FAM185A: variants seen among roughly 807,000 people sequenced by gnomAD.
FAM185A encodes protein FAM185A.
In FAM185A, 21 loss-of-function variants were observed where a neutral mutation model predicts 45.7. The observed-to-expected ratio is 0.46, with a 90% CI of 0.33 to 0.66. FAM185A has a LOEUF of 0.66. Ranked by LOEUF, FAM185A falls within the 30% of genes least tolerant of loss-of-function variation. FAM185A has a pLI of 0.03. For missense variants in FAM185A, 305 were observed against 485.4 expected (o/e 0.63, Z 3.49); for synonymous variants, 117 against 194.0 (o/e 0.60, Z 3.30).
intron 3 of FAM185A, among the ~76,000 whole-genome samples, chr7:102,758,426 G>GATT (rs1562845336): frequency 2.1e-5 from 2 of 95,894 alleles, no homozygotes; most frequent in Admixed American, 1.3e-4. Context: ...TGCTCTCACA[G>GATT]CTTTTTTTTT....
At chr7:102,789,694 G>A (rs1297205259) in intron 7 of FAM185A, among the ~76,000 whole-genome samples, 8 of 152,274 alleles carry the variant, frequency 5.3e-5, no homozygotes, top group African/African-American at 1.7e-4. Context: ...GAGCAAGAGC[G>A]AGACTCCCTC....
chr7:102,841,914 G>T, the FAM185A span, among the ~76,000 whole-genome samples: 3 of 152,104 alleles, frequency 2.0e-5, no homozygotes, highest in South Asian at 4.1e-4. Context: ...TTTGTAGGGG[G>T]TTGCTTTCTC....
At chr7:102,795,498 C>G (rs1250856585) in intron 7 of FAM185A, among the ~76,000 whole-genome samples, 1 of 152,046 alleles carries the variant, frequency 6.6e-6, no homozygotes, top group African/African-American at 2.4e-5. Context: ...AGGAAACAAA[C>G]AAGATGAGTC....
intron 6 of FAM185A, among the ~76,000 whole-genome samples, chr7:102,781,538 C>G (rs928822098): frequency 5.9e-5 from 9 of 152,194 alleles, no homozygotes; most frequent in Admixed American, 1.3e-4. Context: ...CTGCTGATAC[C>G]CAGGCAAACG....
In FAM185A at chr7:102,749,222, C is replaced by T. The variant is rs148262043; in HGVS notation, c.15C>T (p.Cys5=). 1 of 1,551,310 alleles carries T rather than the reference C, an allele frequency of 6.4e-7. No individual in the cohort carries two copies. The highest frequency in any genetic ancestry group is 8.7e-7 in the Non-Finnish European group (1 of 1,146,896). MLAP[C]SGWELGCFRL... ...AGAGGCGCGCCATGCTTGCCCCCTG[C>T]TCAGGTTGGGAGCTTGGCTGCTTCC... is the stretch of plus-strand genomic sequence containing the variant. The change falls in exon 1 of 8, where the codon TGC becomes TGT. Residue 5 remains cysteine (C), a synonymous_variant. Transcript: ENST00000413034.
the FAM185A span, chr7:102,822,021 T>G: frequency 6.2e-7 from 1 of 1,613,352 alleles, no homozygotes; most frequent in Non-Finnish European, 8.5e-7. Context: ...AAGTTTGTCA[T>G]AGTCAGGTAC....
chr7:102,818,487 T>C, the FAM185A span, among the ~76,000 whole-genome samples: 21 of 152,348 alleles, frequency 1.4e-4, no homozygotes, highest in African/African-American at 4.3e-4. Context: ...TATTTGTTCA[T>C]ACTGATAATA....
intron 2 of FAM185A, chr7:102,755,361 G>A (rs981879238): frequency 1.0e-5 from 6 of 584,562 alleles, no homozygotes; most frequent in African/African-American, 5.7e-5. Flanking sequence ...TACTCTATAA[G>A]CAGCTGAAAG....
chr7:102,789,582 G>T (rs1323273768), intron 7 of FAM185A, among the ~76,000 whole-genome samples: 1 of 152,236 alleles, frequency 6.6e-6, no homozygotes. Context: ...GGTGGCGGGC[G>T]CCTGTAATCT....
rs1370726922 is a variant in FAM185A at position 102,761,359 on chromosome 7, A to G, written c.741A>G (p.Glu247=). 1 of 1,545,370 alleles carries G rather than the reference A, an allele frequency of 6.5e-7. No individual in the cohort carries two copies. The change falls in exon 4 of 8, where the codon GAA becomes GAG. Residue 247 remains glutamate (E), a synonymous_variant. Transcript: ENST00000413034. ...GLLKAKYLYT[E]SSFLSSAAGD... The stretch of plus-strand genomic sequence containing the variant: ...TGAAAGCCAAGTATCTTTATACAGA[A>G]TCATCATTTCTGTCTTCTGCTGCTG...
At chr7:102,760,491 G>C (rs2129433838) in intron 3 of FAM185A, among the ~76,000 whole-genome samples, 1 of 152,042 alleles carries the variant, frequency 6.6e-6, no homozygotes, top group East Asian at 1.9e-4. Flanking sequence ...ATCAGATAAA[G>C]TATGTGCTAA....
chr7:102,832,173 C>T, the FAM185A span, among the ~76,000 whole-genome samples: 1 of 152,144 alleles, frequency 6.6e-6, no homozygotes, highest in African/African-American at 2.4e-5. Flanking sequence ...CCAAATTTTT[C>T]ATAATGAGTA....
intron 6 of FAM185A, among the ~76,000 whole-genome samples, chr7:102,785,428 T>TA (rs1245909740): frequency 1.3e-5 from 2 of 151,468 alleles, no homozygotes; most frequent in African/African-American, 4.9e-5. Context: ...GACTTCAAAC[T>TA]ATACTACAAG....
chr7:102,826,874 G>T, the FAM185A span, among the ~76,000 whole-genome samples: 1 of 145,354 alleles, frequency 6.9e-6, no homozygotes, highest in South Asian at 2.2e-4. Context: ...AGAGGGAGAG[G>T]CTCTTAGGAA....
downstream of FAM185A, among the ~76,000 whole-genome samples, chr7:102,812,637 C>A (rs183223788): frequency 6.6e-6 from 1 of 152,160 alleles, no homozygotes; most frequent in Non-Finnish European, 1.5e-5. Context: ...TAAAGTTATT[C>A]CCCTGGCTCA....
In FAM185A at chr7:102,787,373, C is replaced by T. The variant is rs201856213; in HGVS notation, c.970C>T (p.His324Tyr). ...CAAGGTCCCATCTTCACTTCAAGCT[C>T]ATTTACAGTTATCAGGGAAAGAGGT... The part of the protein sequence containing the change: ...IVKVPSSLQA[H>Y]LQLSGKEVDV... Residue 324 changes from histidine to tyrosine, a missense_variant, in exon 7 of 8, where the codon CAT (histidine) becomes TAT (tyrosine). By Grantham distance (83) the His-to-Tyr change is moderately conservative. Transcript: ENST00000413034. The T allele has an allele frequency of 1.3e-6, 2 of 1,518,616 alleles. No homozygotes were observed. The highest frequency in any genetic ancestry group is 1.8e-6 in the Non-Finnish European group (2 of 1,126,602). 94.1% of individuals were successfully genotyped at this position (1,518,616 alleles called of 1,614,324 possible).
intron 7 of FAM185A, among the ~76,000 whole-genome samples, chr7:102,807,045 ATAAT>A (rs2129444106): frequency 6.6e-6 from 1 of 152,354 alleles, no homozygotes; most frequent in Admixed American, 6.5e-5. Context: ...GAACCTCAAA[ATAAT>A]TACGCTGAAT....
chr7:102,801,942 A>G (rs1290838722), intron 7 of FAM185A, among the ~76,000 whole-genome samples: 2 of 152,028 alleles, frequency 1.3e-5, no homozygotes, highest in Non-Finnish European at 2.9e-5. Context: ...AAAAATACAA[A>G]GAAGGACATT....
chr7:102,776,021 T>A (rs1212536449), intron 5 of FAM185A, among the ~76,000 whole-genome samples: 11 of 151,458 alleles, frequency 7.3e-5, no homozygotes, highest in Non-Finnish European at 1.2e-4. Flanking sequence ...GAGCCGCATT[T>A]TAAACAGTTT....
Sources: allele counts gnomAD v4.1 joint callset (sites outside exome capture counted in the v4.1 genomes callset), GRCh38; gene constraint gnomAD v4.1.1; transcripts MANE v1.5; gene names NCBI Gene and HGNC (gene_info 2026-07-23, HGNC 2026-07-21).